PTPRB: variants seen among roughly 807,000 people sequenced by gnomAD.
PTPRB encodes receptor-type tyrosine-protein phosphatase beta.
A neutral mutation model predicts 238.1 loss-of-function variants in PTPRB; 97 were observed. The observed-to-expected ratio is 0.41, with a 90% CI of 0.35 to 0.48. The LOEUF is 0.48. Ranked by LOEUF, PTPRB falls within the 20% of genes least tolerant of loss-of-function variation. The pLI, the probability that PTPRB is intolerant of heterozygous loss-of-function variation, is 0.30. For missense variants in PTPRB, 2,292 were observed against 2,681.9 expected (o/e 0.85, Z 3.21); for synonymous variants, 970 against 995.4 (o/e 0.97, Z 0.48).
intron 21 of PTPRB, among the ~76,000 whole-genome samples, chr12:70,546,590 C>T (rs1056773691): frequency 6.6e-6 from 1 of 152,190 alleles, no homozygotes; most frequent in African/African-American, 2.4e-5. Context: ...TTAAGGAAGA[C>T]TGCCATGTAG....
chr12:70,535,895 G>T, intron 29 of PTPRB, 130 bp downstream of exon 29: 2 of 1,115,324 alleles, frequency 1.8e-6, no homozygotes, highest in Non-Finnish European at 2.6e-6. Flanking sequence ...GAACAGAGTG[G>T]TATAAGTCAC....
Position 70,560,887 on chromosome 12 carries a change from C to A in PTPRB, c.4216G>T (p.Asp1406Tyr), listed in dbSNP as rs1171235910. The change falls in exon 17 of 34, where the codon GAC becomes TAC. Residue 1406 changes from aspartate (D) to tyrosine (Y), a missense_variant. By Grantham distance (160) the Asp-to-Tyr change is radical. Around this residue, in one of 4 missense-constraint regions of PTPRB, gnomAD observed 683 missense variants for 862.0 expected, o/e 0.79. Coordinates refer to ENST00000334414, the MANE Select transcript of PTPRB (RefSeq NM_001109754.4). The surrounding 1 kb of genome is among the most constrained non-coding windows in gnomAD (Gnocchi z 4.2). ...HLRGSNRNTT[D>Y]SLWFNWSPAS... ...GGACTCCAGTTGAACCAAAGGCTGT[C>A]TGTCGTGTTCCGATTGGACCCCCTG... is the stretch of plus-strand genomic sequence containing the variant. 6.2e-7 allele frequency: 1 copy of A among 1,613,548 alleles called. No individual in the cohort carries two copies. Among genetic ancestry groups the A allele is most frequent in the Non-Finnish European group, 8.5e-7 (1 of 1,179,602 alleles).
At position 70,590,625 on chromosome 12, in the gene PTPRB, A is replaced by G. The variant is rs527871106; in HGVS notation, c.1781-392T>C. ...TTTTTTTTTTTGCTTAAAAACATTC[A>G]AGGTCTCTCTATAATCTGCAGAATA... On this transcript the variant is annotated intron_variant, in intron 7 of 33. Transcript: ENST00000334414. 4.9e-5 allele frequency among the ~76,000 whole-genome samples: 7 copies of G among 141,858 alleles called. No homozygotes were observed. In the South Asian group the frequency reaches 1.6e-3, roughly 31 times the overall value. 93.1% of individuals were successfully genotyped at this position (141,858 alleles called of 152,430 possible). A position where few individuals can be genotyped will look rare whatever the true frequency, so the allele number is the denominator to read the frequency against.
intron 18 of PTPRB, among the ~76,000 whole-genome samples, chr12:70,558,383 A>C (rs1421874463): frequency 6.6e-6 from 1 of 152,256 alleles, no homozygotes; most frequent in Non-Finnish European, 1.5e-5. Flanking sequence ...TATTAAAAAA[A>C]TAAAACAACT....
At position 70,587,214 on chromosome 12, in the gene PTPRB, T is replaced by C. The variant is rs990712290; in HGVS notation, c.2104A>G (p.Ser702Gly). The change falls in exon 9 of 34, where the codon AGT becomes GGT. Residue 702 changes from serine to glycine, a missense_variant. Transcript: ENST00000334414. ...RVKHANETSL[S>G]IMWQTPVAEW... The stretch of plus-strand genomic sequence containing the variant: ...GCTACAGGGGTCTGCCACATGATAC[T>C]CAGTGAGGTTTCATTGGCATGTTTG... 2.5e-6 allele frequency: 4 copies of C among 1,613,844 alleles called. No individual in the cohort carries two copies. In the South Asian group the frequency reaches 4.4e-5, roughly 18 times the overall value.
chr12:70,594,131 A>G (rs1882768311), intron 6 of PTPRB, among the ~76,000 whole-genome samples: 1 of 152,176 alleles, frequency 6.6e-6, no homozygotes, highest in South Asian at 2.1e-4. Context: ...ACTCTGGTTC[A>G]CTGTGAGTGA....
intron 33 of PTPRB, among the ~76,000 whole-genome samples, chr12:70,523,345 T>A (rs1379236462): frequency 1.3e-5 from 2 of 152,198 alleles, no homozygotes; most frequent in South Asian, 4.2e-4. Flanking sequence ...AGAGAAGGGG[T>A]CTCACTTTGC....
intron 32 of PTPRB, 122 bp downstream of exon 32, chr12:70,531,912 CT>C: frequency 9.7e-6 from 11 of 1,136,976 alleles, no homozygotes; most frequent in African/African-American, 1.6e-5. Flanking sequence ...ACATGCAGTT[CT>C]TTTTTTCTCT....
At chr12:70,603,215 TC>T (rs1883665875) in intron 4 of PTPRB, among the ~76,000 whole-genome samples, 1 of 152,154 alleles carries the variant, frequency 6.6e-6, no homozygotes, top group African/African-American at 2.4e-5. Context: ...TATAGGTAGC[TC>T]AGCTTGACCT....
At position 70,534,546 on chromosome 12, in the gene PTPRB, T is replaced by C. The variant is rs768011114; in HGVS notation, c.6310A>G (p.Thr2104Ala). The C allele has an allele frequency of 1.2e-5, 20 of 1,613,544 alleles. No homozygotes were observed. The African/African-American group carries it at 2.7e-4, about 22-fold the overall frequency. Residue 2104 changes from threonine to alanine, a missense_variant, in exon 31 of 34, where the codon ACT (threonine) becomes GCT (alanine). Coordinates refer to ENST00000334414, the MANE Select transcript of PTPRB (RefSeq NM_001109754.4). ...TTQSLIQFVR[T>A]VRDYINRSPG... Reference sequence around the variant, plus strand: ...CTTCTGTTGATGTAGTCCCTGACAGTTCTCACAAACTGGATCAGAGACTGG... The same window carrying C: ...CTTCTGTTGATGTAGTCCCTGACAGCTCTCACAAACTGGATCAGAGACTGG...
intron 32 of PTPRB, among the ~76,000 whole-genome samples, chr12:70,525,040 G>C (rs1592382867): frequency 6.6e-6 from 1 of 151,626 alleles, no homozygotes; most frequent in African/African-American, 2.4e-5. Flanking sequence ...TGTCTAGTAC[G>C]TAGTAGGTCC....
In PTPRB at chr12:70,585,806, C is replaced by T. The variant is rs531784111; in HGVS notation, c.2311+1201G>A. ...TGCTATCCCTCCCCCGACCCCCGAC[C>T]CCACAACAGGCCCCGGTGTGTGATG... On this transcript the variant is annotated intron_variant, in intron 9 of 33. Coordinates refer to ENST00000334414, the MANE Select transcript of PTPRB (RefSeq NM_001109754.4). Among the ~76,000 whole-genome samples, 24 of 151,928 alleles carry T rather than the reference C, an allele frequency of 1.6e-4. No homozygotes were observed. In the East Asian group the frequency reaches 3.7e-3, roughly 23 times the overall value.
rs1009919131 is a variant in PTPRB, at chr12:70,622,486, G to C, written c.612C>G (p.Ser204Arg). 6.2e-7 allele frequency: 1 copy of C among 1,613,480 alleles called. No individual in the cohort carries two copies. The highest frequency in any genetic ancestry group is 1.3e-5 in the African/African-American group (1 of 74,998). Residue 204 changes from serine to arginine, a missense_variant, in exon 3 of 34, where the codon AGC becomes AGG. Transcript: ENST00000334414. ...RNAAENYSQN[S>R]SERQHPNLHM... ...GCAGATTGGGATGCTGCCTCTCGCT[G>C]CTGTTTTGGCTGTAGTTTTCTGCAG...
chr12:70,622,358 C>T, intron 3 of PTPRB, 32 bp downstream of exon 3: 1 of 1,606,812 alleles, frequency 6.2e-7, no homozygotes, highest in Non-Finnish European at 8.5e-7. Context: ...GAGACGTGCA[C>T]AGACCACACT....
intron 33 of PTPRB, among the ~76,000 whole-genome samples, chr12:70,522,319 A>G (rs1026130239): frequency 2.6e-5 from 4 of 152,206 alleles, no homozygotes; most frequent in African/African-American, 7.2e-5. Flanking sequence ...AGCCATGTGA[A>G]CAAGCCATTA....
At chr12:70,582,888 C>G (rs1313441288) in intron 9 of PTPRB, among the ~76,000 whole-genome samples, 1 of 152,010 alleles carries the variant, frequency 6.6e-6, no homozygotes, top group Admixed American at 6.6e-5. Flanking sequence ...AATATTTGAA[C>G]AAAAACTTCC....
intron 15 of PTPRB, among the ~76,000 whole-genome samples, chr12:70,563,473 GCT>G (rs1878782221): frequency 6.6e-6 from 1 of 152,104 alleles, no homozygotes; most frequent in African/African-American, 2.4e-5. Context: ...TCTTTCTCAG[GCT>G]CTCTTTGCTT....
intron 4 of PTPRB, among the ~76,000 whole-genome samples, chr12:70,606,278 G>A (rs371831705): frequency 6.6e-6 from 1 of 152,194 alleles, no homozygotes; most frequent in South Asian, 2.1e-4. Context: ...TGATACATGT[G>A]CACTGAACTG....
chr12:70,531,290 A>G (rs906754719), intron 32 of PTPRB, among the ~76,000 whole-genome samples: 18 of 148,336 alleles, frequency 1.2e-4, no homozygotes, highest in Non-Finnish European at 1.9e-4. Flanking sequence ...AGAACTTTTT[A>G]CTTTTCCAAC....
Sources: gnomAD v4.1 joint callset for allele counts (sites outside exome capture counted in the v4.1 genomes callset) on GRCh38, gnomAD v4.1.1 for gene constraint, gnomAD v4.1.1 regional missense constraint, Gnocchi (gnomAD v3.1) non-coding constraint, MANE v1.5 for transcripts, NCBI Gene and HGNC (gene_info 2026-07-23, HGNC 2026-07-21) for gene names.